SHROOM3: variants seen among roughly 807,000 people sequenced by gnomAD.
SHROOM3 encodes protein Shroom3.
In SHROOM3, 47 loss-of-function variants were observed where a neutral mutation model predicts 138.6. The ratio of observed to expected loss-of-function variants is 0.34; its 90% confidence interval spans 0.27 to 0.43. SHROOM3 has a LOEUF of 0.43. Among genes scored for constraint, SHROOM3 ranks in the 20% least tolerant of loss-of-function variants. SHROOM3 has a pLI of 1.00. For synonymous variants in SHROOM3, 1,062 were observed against 1,063.3 expected, an observed-to-expected ratio of 1.00 and a Z score of 0.02; for missense variants, 2,491 against 2,596.5, an observed-to-expected ratio of 0.96 and a Z score of 0.88.
intron 3 of SHROOM3, among the ~76,000 whole-genome samples, chr4:76,727,998 A>G (rs1296030760): frequency 6.6e-6 from 1 of 152,094 alleles, no homozygotes; most frequent in Non-Finnish European, 1.5e-5. Flanking sequence ...TACCAAAAAA[A>G]AAAGAAATGC....
chr4:76,579,062 C>T (rs1733992773), intron 2 of SHROOM3, among the ~76,000 whole-genome samples: 1 of 152,112 alleles, frequency 6.6e-6, no homozygotes, highest in South Asian at 2.1e-4. Flanking sequence ...TGCCTATGGT[C>T]CCAGCTACTC....
At chr4:76,546,923 GTAGACTTCTACCGGATGAGTT>G (rs1733232596) in intron 1 of SHROOM3, among the ~76,000 whole-genome samples, 1 of 152,194 alleles carries the variant, frequency 6.6e-6, no homozygotes, top group Non-Finnish European at 1.5e-5. Flanking sequence ...TTCTGCTGTG[GTAGACTTCTACCGGATGAGTT>G]TAATGTTAAT....
intron 2 of SHROOM3, among the ~76,000 whole-genome samples, chr4:76,584,610 A>C (rs796447228): frequency 1.2e-4 from 18 of 152,326 alleles, no homozygotes; most frequent in African/African-American, 4.1e-4. Flanking sequence ...GATTGTGATA[A>C]ACAAACGTCA....
chr4:76,443,558 C>T (rs1221886231), intron 1 of SHROOM3, among the ~76,000 whole-genome samples: 1 of 152,224 alleles, frequency 6.6e-6, no homozygotes, highest in Admixed American at 6.5e-5. Context: ...GTGCAGAGTC[C>T]TTGTTCTCCC....
intron 1 of SHROOM3, among the ~76,000 whole-genome samples, chr4:76,437,417 A>G (rs1183130806): frequency 2.0e-5 from 3 of 152,160 alleles, no homozygotes; most frequent in African/African-American, 7.2e-5. Context: ...GCAGCAGCTC[A>G]ATAATGTGAT....
At chr4:76,579,405 T>C (rs1238844837) in intron 2 of SHROOM3, among the ~76,000 whole-genome samples, 1 of 148,618 alleles carries the variant, frequency 6.7e-6, no homozygotes, top group Non-Finnish European at 1.5e-5. Context: ...GAGACTGAGC[T>C]TGCAGTGAGC....
At chr4:76,629,923 T>C (rs1306500452) in intron 2 of SHROOM3, among the ~76,000 whole-genome samples, 1 of 152,176 alleles carries the variant, frequency 6.6e-6, no homozygotes, top group African/African-American at 2.4e-5. Flanking sequence ...TATGTGAATT[T>C]TGGAGTCTTC....
intron 1 of SHROOM3, among the ~76,000 whole-genome samples, chr4:76,451,060 C>T (rs998566902): frequency 6.6e-6 from 1 of 152,070 alleles, no homozygotes; most frequent in African/African-American, 2.4e-5. Flanking sequence ...CGCCATTCTC[C>T]TGCCTCAGCC....
Position 76,610,816 on chromosome 4 carries a change from G to T in SHROOM3, c.323+55053G>T, listed in dbSNP as rs185702973. ...TTGAGAGATCCAAAGTCAAAGGTGA[G>T]TCAGGGATTTCGTGTGCAGGTTCTC... is the stretch of plus-strand genomic sequence containing the variant. On this transcript the variant is annotated intron_variant, in intron 2 of 10. Transcript: ENST00000296043. Among the ~76,000 whole-genome samples the T allele has an allele frequency of 6.6e-5, 10 of 152,324 alleles. No homozygotes were observed. The East Asian group carries it at 1.2e-3, about 18-fold the overall frequency.
intron 2 of SHROOM3, among the ~76,000 whole-genome samples, chr4:76,570,181 A>ACG (rs1733807422): frequency 6.6e-6 from 1 of 151,836 alleles, no homozygotes; most frequent in African/African-American, 2.4e-5. Flanking sequence ...ACACACACAC[A>ACG]CACGCACACC....
At chr4:76,553,520 C>T (rs980554428) in intron 1 of SHROOM3, among the ~76,000 whole-genome samples, 1 of 152,052 alleles carries the variant, frequency 6.6e-6, no homozygotes, top group East Asian at 1.9e-4. Context: ...AGGTGATCCA[C>T]CCACCCCGGC....
chr4:76,471,444 A>G (rs139395138), intron 1 of SHROOM3, among the ~76,000 whole-genome samples: 14 of 152,156 alleles, frequency 9.2e-5, no homozygotes, highest in East Asian at 5.8e-4. Flanking sequence ...GGTTTTCACC[A>G]TGTTAGCCAG....
chr4:76,721,574 C>T (rs1720554117), intron 3 of SHROOM3, among the ~76,000 whole-genome samples: 1 of 152,150 alleles, frequency 6.6e-6, no homozygotes, highest in Admixed American at 6.5e-5. Flanking sequence ...AAGGGGGTCT[C>T]AGTTTTGCCC....
chr4:76,743,961 A>C (rs1721348443), intron 5 of SHROOM3, among the ~76,000 whole-genome samples: 1 of 152,248 alleles, frequency 6.6e-6, no homozygotes, highest in Non-Finnish European at 1.5e-5. Context: ...TGTTTCAAAG[A>C]AAATAAAAAT....
At chr4:76,573,042 C>T (rs1334684052) in intron 2 of SHROOM3, among the ~76,000 whole-genome samples, 1 of 151,532 alleles carries the variant, frequency 6.6e-6, no homozygotes, top group Non-Finnish European at 1.5e-5. Context: ...GATTGCACCA[C>T]TGCACTCCAG....
At chr4:76,579,311 G>A (rs1050438922) in intron 2 of SHROOM3, among the ~76,000 whole-genome samples, 4 of 151,596 alleles carry the variant, frequency 2.6e-5, no homozygotes, top group Admixed American at 6.6e-5. Context: ...TACTAAAAAT[G>A]CAAAACATTA....
chr4:76,771,976 A>G (rs1722375251), intron 10 of SHROOM3, among the ~76,000 whole-genome samples: 1 of 152,178 alleles, frequency 6.6e-6, no homozygotes, highest in Non-Finnish European at 1.5e-5. Context: ...CAGTAGACAC[A>G]ATTATTTTAT....
intron 1 of SHROOM3, chr4:76,532,398 TTC>T (rs1438761669): frequency 6.6e-6 from 1 of 152,224 alleles, no homozygotes; most frequent in Non-Finnish European, 1.5e-5. Context: ...CGGTTCCCTA[TTC>T]CACTGAAAAT....
chr4:76,569,714 C>T (rs1284679120), intron 2 of SHROOM3, among the ~76,000 whole-genome samples: 1 of 149,622 alleles, frequency 6.7e-6, no homozygotes, highest in Admixed American at 6.6e-5. Flanking sequence ...TTTTTTTTCC[C>T]CTCAAAGTGT....
Sources: allele counts gnomAD v4.1 joint callset (sites outside exome capture counted in the v4.1 genomes callset), GRCh38; gene constraint gnomAD v4.1.1; transcripts MANE v1.5; gene names NCBI Gene and HGNC (gene_info 2026-07-23, HGNC 2026-07-21).